Variants in PLCB1 observed in about 807,000 individuals in gnomAD.
PLCB1 encodes phospholipase C beta 1.
A neutral mutation model predicts 161.8 loss-of-function variants in PLCB1; 46 were observed. The observed-to-expected ratio is 0.28, with a 90% confidence interval of 0.22 to 0.36. PLCB1 has a LOEUF of 0.36. Among genes scored for constraint, PLCB1 ranks in the 10% least tolerant of loss-of-function variants. PLCB1 has a pLI of 1.00. For missense variants in PLCB1, 1,016 were observed against 1,472.5 expected (o/e 0.69, Z 5.07); for synonymous variants, 517 against 503.7 (o/e 1.03, Z -0.35).
chr20:8,539,427 G>A (rs1023441656), intron 3 of PLCB1, among the ~76,000 whole-genome samples: 6 of 152,032 alleles, frequency 3.9e-5, no homozygotes, highest in African/African-American at 1.5e-4. Context: ...TCACCCAATG[G>A]ACATATATTT....
At chr20:8,583,752 C>G (rs1193469876) in intron 3 of PLCB1, among the ~76,000 whole-genome samples, 2 of 152,160 alleles carry the variant, frequency 1.3e-5, no homozygotes, top group Non-Finnish European at 2.9e-5. Context: ...CTTCATTTAA[C>G]TAAGTGAGAG....
At chr20:8,318,106 T>C (rs541371715) in intron 2 of PLCB1, among the ~76,000 whole-genome samples, 16 of 152,220 alleles carry the variant, frequency 1.1e-4, no homozygotes, top group Admixed American at 5.2e-4. Context: ...AGATATTATT[T>C]CTCTTAAGCC....
At chr20:8,252,098 G>T (rs552682369) in intron 2 of PLCB1, among the ~76,000 whole-genome samples, 3 of 151,896 alleles carry the variant, frequency 2.0e-5, no homozygotes, top group Non-Finnish European at 4.4e-5. Context: ...AGTGAGGTTA[G>T]AGTGGTACAT....
At chr20:8,268,789 C>T (rs1457782004) in intron 2 of PLCB1, among the ~76,000 whole-genome samples, 1 of 152,068 alleles carries the variant, frequency 6.6e-6, no homozygotes, top group Admixed American at 6.5e-5. Context: ...CTGTTCATTT[C>T]CTTTGCCCAC....
At chr20:8,727,551 C>T (rs1436712326) in intron 17 of PLCB1, among the ~76,000 whole-genome samples, 158 bp downstream of exon 17, 13 of 151,994 alleles carry the variant, frequency 8.6e-5, no homozygotes, top group South Asian at 2.1e-4. Context: ...CAATGCTGGG[C>T]GGGGTAGTCT....
chr20:8,360,183 T>C (rs184700388), intron 2 of PLCB1, among the ~76,000 whole-genome samples: 6 of 152,328 alleles, frequency 3.9e-5, no homozygotes, highest in African/African-American at 1.4e-4. Flanking sequence ...ACATGAACTA[T>C]CAGCTCTCTG....
At chr20:8,621,161 C>G (rs1246911038) in intron 3 of PLCB1, among the ~76,000 whole-genome samples, 1 of 152,138 alleles carries the variant, frequency 6.6e-6, no homozygotes, top group Non-Finnish European at 1.5e-5. Context: ...GAATATAATG[C>G]TTTTCATGCT....
intron 9 of PLCB1, among the ~76,000 whole-genome samples, chr20:8,680,620 T>C (rs1042148220): frequency 6.6e-6 from 1 of 152,186 alleles, no homozygotes; most frequent in Non-Finnish European, 1.5e-5. Flanking sequence ...ATGATATGCA[T>C]GTGTTTACAA....
chr20:8,365,922 G>T lies in PLCB1; in HGVS notation c.178-5460G>T, dbSNP rs149686111. On this transcript the variant is annotated intron_variant, in intron 2 of 31. Coordinates refer to ENST00000338037, the MANE Select transcript of PLCB1 (RefSeq NM_015192.4). ...TTCAATAACAATGCACAGAAATTGG[G>T]ATTCTGGAAAGAGTTGAGTTTTAAA... Among the ~76,000 whole-genome samples the T allele has an allele frequency of 5.6e-3, 851 of 152,250 alleles. 9 individuals carry two copies. Among genetic ancestry groups the T allele is most frequent in the Middle Eastern group, 0.041 (12 of 294 alleles).
At chr20:8,628,467 T>C in intron 4 of PLCB1, 36 bp downstream of exon 4, 1 of 1,609,652 alleles carries the variant, frequency 6.2e-7, no homozygotes, top group Non-Finnish European at 8.5e-7. Flanking sequence ...CTTATCATCA[T>C]GATCTGAATC....
At chr20:8,414,293 T>C (rs1006754626) in intron 3 of PLCB1, among the ~76,000 whole-genome samples, 2 of 152,146 alleles carry the variant, frequency 1.3e-5, no homozygotes, top group Non-Finnish European at 2.9e-5. Flanking sequence ...AAAGAGGACA[T>C]ATAAGCCATA....
intron 3 of PLCB1, among the ~76,000 whole-genome samples, chr20:8,400,376 T>C (rs955271390): frequency 6.6e-6 from 1 of 152,196 alleles, no homozygotes; most frequent in Admixed American, 6.5e-5. Flanking sequence ...TTTATGACCT[T>C]TGGGAAATGA....
chr20:8,469,857 C>G (rs1240980554), intron 3 of PLCB1, among the ~76,000 whole-genome samples: 1 of 152,136 alleles, frequency 6.6e-6, no homozygotes, highest in Non-Finnish European at 1.5e-5. Flanking sequence ...AGTTATGCAA[C>G]CATCACTACA....
intron 3 of PLCB1, among the ~76,000 whole-genome samples, chr20:8,523,797 ATTGTCAGAG>A (rs1165342534): frequency 1.3e-5 from 2 of 151,884 alleles, no homozygotes; most frequent in Non-Finnish European, 2.9e-5. Flanking sequence ...ATGCTTGTGC[ATTGTCAGAG>A]TTGAAAACTA....
chr20:8,640,503 ATAAT>A (rs1437426390), intron 4 of PLCB1, among the ~76,000 whole-genome samples: 1 of 152,254 alleles, frequency 6.6e-6, no homozygotes, highest in Non-Finnish European at 1.5e-5. Flanking sequence ...AACCAAAGTA[ATAAT>A]TAACACTGAG....
intron 10 of PLCB1, among the ~76,000 whole-genome samples, chr20:8,690,601 C>A (rs1048037148): frequency 4.6e-5 from 7 of 152,166 alleles, no homozygotes. Context: ...ATACCTTAAA[C>A]ACCAGTCTTA....
At chr20:8,278,687 A>G (rs573051312) in intron 2 of PLCB1, among the ~76,000 whole-genome samples, 1 of 152,234 alleles carries the variant, frequency 6.6e-6, no homozygotes, top group South Asian at 2.1e-4. Context: ...TTTTCTTACA[A>G]TAGCAAGGGC....
At chr20:8,879,303 A>G (rs1600111173) in intron 31 of PLCB1, among the ~76,000 whole-genome samples, 1 of 152,162 alleles carries the variant, frequency 6.6e-6, no homozygotes, top group East Asian at 1.9e-4. Flanking sequence ...TGTGAAAAAA[A>G]AAAAAAAACA....
chr20:8,431,474 G>A lies in PLCB1; in HGVS notation c.246+60024G>A, dbSNP rs77532323. On this transcript the variant is annotated intron_variant, in intron 3 of 31. Transcript: ENST00000338037. ...ATCAAATGTTTGACTTCACTCCAGA[G>A]GCAATTTTTAAATACCAAAAATTGT... Among the ~76,000 whole-genome samples the A allele has an allele frequency of 8.0e-3, 1,223 of 152,258 alleles. 19 individuals carry two copies. Among genetic ancestry groups the A allele is most frequent in the African/African-American group, 0.028 (1,153 of 41,548 alleles).
Sources: allele counts gnomAD v4.1 joint callset (sites outside exome capture counted in the v4.1 genomes callset), GRCh38; gene constraint gnomAD v4.1.1; transcripts MANE v1.5; gene names NCBI Gene and HGNC (gene_info 2026-07-23, HGNC 2026-07-21).